Variants in PPFIBP2 observed in about 807,000 individuals in gnomAD.
PPFIBP2 encodes PPFIB scaffold protein 2.
In PPFIBP2, 118 loss-of-function variants were observed where a neutral mutation model predicts 118.3. That is an observed-to-expected ratio of 1.00 (90% confidence interval 0.86 to 1.16). The LOEUF is 1.16. PPFIBP2 is among the 50% of genes most tolerant of loss of function. The pLI is 0.00. For missense variants in PPFIBP2, 1,195 were observed against 1,073.1 expected (o/e 1.11, Z -1.59); for synonymous variants, 414 against 397.4 (o/e 1.04, Z -0.50).
chr11:7,516,992 C>G (rs1321493398), intron 1 of PPFIBP2, among the ~76,000 whole-genome samples: 1 of 151,834 alleles, frequency 6.6e-6, no homozygotes, highest in Non-Finnish European at 1.5e-5. Context: ...GTGGTGTGGG[C>G]TCCTTGGAAA....
At chr11:7,573,671 A>G (rs879413400) in intron 3 of PPFIBP2, among the ~76,000 whole-genome samples, 2 of 152,152 alleles carry the variant, frequency 1.3e-5, no homozygotes, top group Non-Finnish European at 2.9e-5. Context: ...AGTGGCCAGG[A>G]CTTCCTCCAC....
chr11:7,519,121 G>A (rs1260017921), intron 1 of PPFIBP2, among the ~76,000 whole-genome samples: 1 of 152,040 alleles, frequency 6.6e-6, no homozygotes, highest in Non-Finnish European at 1.5e-5. Context: ...CTGGGAAGAT[G>A]GCAGCTGAGA....
downstream of PPFIBP2, chr11:7,655,322 A>G (rs548823139): frequency 1.8e-4 from 136 of 767,946 alleles, no homozygotes; most frequent in Admixed American, 3.1e-3. Flanking sequence ...GTCCCTCCAG[A>G]GAAGCATGCC....
chr11:7,592,109 A>C (rs1859427653), intron 3 of PPFIBP2, among the ~76,000 whole-genome samples: 1 of 152,194 alleles, frequency 6.6e-6, no homozygotes. Context: ...GGACCAGCTC[A>C]GATTGTATAA....
At chr11:7,640,731 C>T (rs1852063548) in intron 15 of PPFIBP2, among the ~76,000 whole-genome samples, 1 of 152,222 alleles carries the variant, frequency 6.6e-6, no homozygotes, top group South Asian at 2.1e-4. Context: ...ACAAGAGCTG[C>T]CTGTGGCCTG....
intron 15 of PPFIBP2, chr11:7,641,015 C>T (rs938640810): frequency 1.3e-4 from 166 of 1,274,346 alleles, no homozygotes; most frequent in Non-Finnish European, 1.7e-4. Context: ...GGCTTCTCTG[C>T]TTCTTGGTTC....
Position 7,632,879 on chromosome 11 carries a change from T to G in PPFIBP2, c.1081T>G (p.Cys361Gly). Reference protein sequence around the residue: ...ELFKQEMPPRCSSPTVGPPPL... With the variant: ...ELFKQEMPPRGSSPTVGPPPL... ...GTCTCTGGTGCAGATGCCTCCAAGA[T>G]GTAGCTCTCCTACAGTGGGGCCACC... is the stretch of plus-strand genomic sequence containing the variant. Residue 361 changes from cysteine to glycine, a missense_variant, in exon 12 of 24, where the codon TGT (cysteine) becomes GGT (glycine). By Grantham distance (159) the Cys-to-Gly change is radical. Coordinates refer to ENST00000299492, the MANE Select transcript of PPFIBP2 (RefSeq NM_003621.5). 1 of 1,613,786 alleles carries G rather than the reference T, an allele frequency of 6.2e-7. No homozygotes were observed. The highest frequency in any genetic ancestry group is 8.5e-7 in the Non-Finnish European group (1 of 1,179,728).
At chr11:7,545,740 G>T (rs1407434546) in intron 1 of PPFIBP2, among the ~76,000 whole-genome samples, 1 of 152,098 alleles carries the variant, frequency 6.6e-6, no homozygotes, top group Non-Finnish European at 1.5e-5. Context: ...CACAGAAAAG[G>T]GGCAACTTTT....
At chr11:7,553,163 A>G (rs1192295901) in intron 2 of PPFIBP2, among the ~76,000 whole-genome samples, 1 of 152,070 alleles carries the variant, frequency 6.6e-6, no homozygotes, top group Non-Finnish European at 1.5e-5. Context: ...TGCATACTGA[A>G]CTTCATTTAT....
At chr11:7,537,848 G>C (rs1232807343) in intron 1 of PPFIBP2, among the ~76,000 whole-genome samples, 1 of 152,078 alleles carries the variant, frequency 6.6e-6, no homozygotes, top group African/African-American at 2.4e-5. Context: ...CCCTCTCCTT[G>C]TTGGAGTACC....
intron 5 of PPFIBP2, among the ~76,000 whole-genome samples, chr11:7,607,231 A>G (rs1277904039): frequency 1.5e-5 from 2 of 131,554 alleles, no homozygotes; most frequent in South Asian, 4.9e-4. Context: ...TTTTTTTAAG[A>G]CAGGGTCTCA....
At chr11:7,627,066 C>T (rs1347526663) in intron 8 of PPFIBP2, among the ~76,000 whole-genome samples, 1 of 152,322 alleles carries the variant, frequency 6.6e-6, no homozygotes. Flanking sequence ...AGAGAGTGCC[C>T]CATGCCACAA....
intron 14 of PPFIBP2, among the ~76,000 whole-genome samples, chr11:7,637,395 C>G (rs1222074230): frequency 6.6e-6 from 1 of 152,184 alleles, no homozygotes; most frequent in Admixed American, 6.5e-5. Flanking sequence ...CCACTGTCCG[C>G]TGTGTGCTAG....
intron 1 of PPFIBP2, chr11:7,548,435 A>G (rs1226904637): frequency 6.6e-6 from 1 of 152,230 alleles, no homozygotes; most frequent in African/African-American, 2.4e-5. Flanking sequence ...CACAGCGTGT[A>G]TGGCCATTCG....
intron 1 of PPFIBP2, among the ~76,000 whole-genome samples, chr11:7,527,710 A>G (rs1850350594): frequency 6.6e-6 from 1 of 152,178 alleles, no homozygotes; most frequent in Admixed American, 6.5e-5. Flanking sequence ...AAGGAAAGAC[A>G]GGGACCAGAG....
intron 3 of PPFIBP2, among the ~76,000 whole-genome samples, chr11:7,579,441 GT>G (rs368902950): frequency 0.033 from 5,004 of 149,944 alleles, 100 homozygotes; most frequent in Non-Finnish European, 0.044. Flanking sequence ...ATCATCTTAG[GT>G]TTTTTTTTTA....
rs994278161 is a variant in PPFIBP2 at position 7,597,309 on chromosome 11, G to C, written c.373-251G>C. On this transcript the variant is annotated intron_variant, in intron 4 of 23. Coordinates refer to ENST00000299492, the MANE Select transcript of PPFIBP2 (RefSeq NM_003621.5). ...TGTGGCTGTTGGGTGTTTTACTCTTGAGTCTATCAAGAGCAGTAAACGTGA... is the reference window on the plus strand; with the variant it reads ...TGTGGCTGTTGGGTGTTTTACTCTTCAGTCTATCAAGAGCAGTAAACGTGA... 6 of 1,535,516 alleles carry C rather than the reference G, an allele frequency of 3.9e-6. No individual in the cohort carries two copies. The Admixed American group carries it at 9.8e-5, about 25-fold the overall frequency.
intron 1 of PPFIBP2, among the ~76,000 whole-genome samples, chr11:7,527,251 A>G (rs374667546): frequency 3.3e-5 from 5 of 151,864 alleles, no homozygotes; most frequent in East Asian, 2.0e-4. Context: ...GGTGTGGTGT[A>G]TGGGAGGAGA....
chr11:7,664,405 A>T, the PPFIBP2 span, among the ~76,000 whole-genome samples: 1 of 149,570 alleles, frequency 6.7e-6, no homozygotes, highest in Non-Finnish European at 1.5e-5. Context: ...TGGGCTGCGT[A>T]ATACTCTGTG....
Sources: allele counts gnomAD v4.1 joint callset (sites outside exome capture counted in the v4.1 genomes callset), GRCh38; gene constraint gnomAD v4.1.1; transcripts MANE v1.5; gene names NCBI Gene and HGNC (gene_info 2026-07-23, HGNC 2026-07-21).